SF3B2: variants seen among roughly 807,000 people sequenced by gnomAD.
SF3B2 encodes splicing factor 3b subunit 2.
Under a neutral mutation model 116.3 loss-of-function variants are expected in SF3B2, and 22 were observed. The observed-to-expected ratio is 0.19, with a 90% confidence interval of 0.14 to 0.27. The LOEUF is 0.27. SF3B2 is among the 10% of genes least tolerant of loss of function. SF3B2 has a pLI of 1.00. For missense variants in SF3B2, 767 were observed against 1,151.4 expected, an observed-to-expected ratio of 0.67 and a Z score of 4.83; for synonymous variants, 406 against 421.6, an observed-to-expected ratio of 0.96 and a Z score of 0.45.
At chr11:66,054,940 C>T in intron 3 of SF3B2, 136 bp from the exon 4 acceptor site, 1 of 782,530 alleles carries the variant, frequency 1.3e-6, no homozygotes, top group East Asian at 2.8e-5. Context: ...AGCTGTGGAG[C>T]ATTCTCTCTT....
chr11:66,067,557 A>C (rs991634250), intron 19 of SF3B2: 1 of 459,190 alleles, frequency 2.2e-6, no homozygotes, highest in Admixed American at 2.3e-5. Context: ...TGTGAATTAC[A>C]TACATGAGAA....
Position 66,068,323 on chromosome 11 carries a change from C to T in SF3B2, c.2606C>T (p.Ala869Val). The change falls in exon 21 of 22, where the codon GCC becomes GTC. Residue 869 changes from alanine (A) to valine (V), a missense_variant. By Grantham distance (64) the Ala-to-Val change is moderately conservative. Coordinates refer to ENST00000322535, the MANE Select transcript of SF3B2 (RefSeq NM_006842.3). ...AGTGACATGGTGGCTGAGCACGCTG[C>T]CAAACAGAAGGTAGGCGCTTCCAGG... is the stretch of plus-strand genomic sequence containing the variant. ...DFSDMVAEHA[A>V]KQKQKKRKAQ... The T allele has an allele frequency of 6.2e-7, 1 of 1,611,606 alleles. No homozygotes were observed. Among genetic ancestry groups the T allele is most frequent in the Non-Finnish European group, 8.5e-7 (1 of 1,179,284 alleles).
Position 66,063,125 on chromosome 11 carries a change from C to T in SF3B2, c.2085+9C>T. On this transcript the variant is annotated intron_variant, in intron 17 of 21. Coordinates refer to ENST00000322535, the MANE Select transcript of SF3B2 (RefSeq NM_006842.3). ...ATGCTGCTGAATTTCAGGTATGGGCCATGTACTAGCGATCTTGGTTTTACT... is the reference window on the plus strand; with the variant it reads ...ATGCTGCTGAATTTCAGGTATGGGCTATGTACTAGCGATCTTGGTTTTACT... 1 of 1,586,742 alleles carries T rather than the reference C, an allele frequency of 6.3e-7. No homozygotes were observed. The highest frequency in any genetic ancestry group is 1.7e-5 in the Admixed American group (1 of 59,068).
rs780249883 is a variant in SF3B2 at position 66,063,470 on chromosome 11, CAGAAGA to C, written c.2160_2165del (p.Glu725_Glu726del). The C allele has an allele frequency of 1.9e-6, 3 of 1,614,142 alleles. No homozygotes were observed. The highest frequency in any genetic ancestry group is 2.5e-6 in the Non-Finnish European group (3 of 1,180,008). On this transcript the variant is annotated inframe_deletion, in exon 18 of 22. Coordinates refer to ENST00000322535, the MANE Select transcript of SF3B2 (RefSeq NM_006842.3). Reference sequence around the variant, plus strand: ...CTGGAACCATCTGATGAAGAATCCTCAGAAGAAGAGGAAGAGGAAGAAAGTGATGAA... The same window carrying C: ...CTGGAACCATCTGATGAAGAATCCTCAGAGGAAGAGGAAGAAAGTGATGAA...
At position 66,059,450 on chromosome 11, in the gene SF3B2, G is replaced by C. The variant is rs1019356549; in HGVS notation, c.1321-65G>C. The C allele has an allele frequency of 6.2e-7, 1 of 1,608,362 alleles. No homozygotes were observed. The highest frequency in any genetic ancestry group is 8.5e-7 in the Non-Finnish European group (1 of 1,175,100). On this transcript the variant is annotated intron_variant, in intron 11 of 21. Transcript: ENST00000322535. This position sits in a 1 kb window ranked among gnomAD's most constrained non-coding sequence, Gnocchi z 5.0. Reference sequence around the variant, plus strand: ...ACAGAGCTTTGGTGGCTTAAGGTTGGGGTGGGTTGGGCAGTTTCATTCACA... The same window carrying C: ...ACAGAGCTTTGGTGGCTTAAGGTTGCGGTGGGTTGGGCAGTTTCATTCACA...
chr11:66,055,230 C>T lies in SF3B2; in HGVS notation c.413C>T (p.Pro138Leu). 5 of 1,613,986 alleles carry T rather than the reference C, an allele frequency of 3.1e-6. No homozygotes were observed. Among genetic ancestry groups the T allele is most frequent in the Non-Finnish European group, 4.2e-6 (5 of 1,179,888 alleles). ...GPPPPLRVGE[P>L]VALSEEERLK... is the part of the protein sequence containing the mutation. ...CCGCCTCCTCTCCGTGTGGGTGAGC[C>T]AGTGGCACTGTCAGAGGAGGAGCGG... is the stretch of plus-strand genomic sequence containing the variant. The change falls in exon 4 of 22, where the codon CCA (proline) becomes CTA (leucine). Residue 138 changes from proline (P) to leucine (L), a missense_variant. Physicochemically the swap from Pro to Leu is moderately conservative, Grantham distance 98. Around this residue, in one of 4 missense-constraint regions of SF3B2, gnomAD observed 455 missense variants for 537.5 expected, o/e 0.85. Transcript: ENST00000322535.
At chr11:66,057,187 C>A in intron 6 of SF3B2, 79 bp from the exon 7 acceptor site, 2 of 993,260 alleles carry the variant, frequency 2.0e-6, no homozygotes, top group Non-Finnish European at 3.3e-6. Flanking sequence ...TTTACCATCA[C>A]CCTTTCAGCA....
intron 6 of SF3B2, 123 bp from the exon 7 acceptor site, chr11:66,057,142 CA>C: frequency 1.1e-6 from 1 of 877,132 alleles, no homozygotes; most frequent in Non-Finnish European, 2.0e-6. Context: ...ACCAGCATTC[CA>C]AAAGCCACGC....
At chr11:66,065,307 T>G (rs535661932) in intron 19 of SF3B2, 1 of 152,334 alleles carries the variant, frequency 6.6e-6, no homozygotes, top group Admixed American at 6.5e-5. Flanking sequence ...TCCAGTGTCT[T>G]CTTTCTTGCA....
chr11:66,067,967 C>A lies in SF3B2; in HGVS notation c.2352C>A (p.Phe784Leu), dbSNP rs758597724. ...AMDGSETPQL[F>L]TVLPEKRTAT... ...GCAGAAGTGAGACACCTCAGCTCTT[C>A]ACTGTGTTGCCAGAGAAGAGAACAG... The change falls in exon 20 of 22, where the codon TTC (phenylalanine) becomes TTA (leucine). Residue 784 changes from phenylalanine to leucine, a missense_variant. Transcript: ENST00000322535. 1 of 1,614,168 alleles carries A rather than the reference C, an allele frequency of 6.2e-7. No homozygotes were observed. Among genetic ancestry groups the A allele is most frequent in the South Asian group, 1.1e-5 (1 of 91,074 alleles).
chr11:66,055,278 C>T lies in SF3B2; in HGVS notation c.461C>T (p.Ala154Val), dbSNP rs750041004. ...EERLKLAQQQ[A>V]ALLMQQEERA... ...CGGCTGAAGTTGGCTCAGCAGCAGG[C>T]GGCATTGCTGATGCAGCAGGAGGAG... Residue 154 changes from alanine (A) to valine (V), a missense_variant, in exon 4 of 22, where the codon GCG becomes GTG. Coordinates refer to ENST00000322535, the MANE Select transcript of SF3B2 (RefSeq NM_006842.3). 10 of 1,613,492 alleles carry T rather than the reference C, an allele frequency of 6.2e-6. No individual in the cohort carries two copies. Among genetic ancestry groups the T allele is most frequent in the Non-Finnish European group, 8.5e-6 (10 of 1,179,836 alleles).
chr11:66,062,089 G>T (rs1194705486), intron 16 of SF3B2, 91 bp downstream of exon 16: 5 of 846,276 alleles, frequency 5.9e-6, no homozygotes, highest in Non-Finnish European at 9.5e-6. Flanking sequence ...TCCACCATGT[G>T]TCTCTTTATT....
intron 13 of SF3B2, 136 bp downstream of exon 13, chr11:66,060,145 C>A: frequency 1.3e-6 from 1 of 793,852 alleles, no homozygotes; most frequent in Non-Finnish European, 2.0e-6. Context: ...TTGTTTTCCT[C>A]CTCTGCTCTT....
chr11:66,064,029 G>A (rs1857139186), intron 19 of SF3B2, among the ~76,000 whole-genome samples: 1 of 152,148 alleles, frequency 6.6e-6, no homozygotes, highest in South Asian at 2.1e-4. Flanking sequence ...AGACCCGAAT[G>A]AAAAAGCGCC....
rs1856967146 is a variant in SF3B2, at chr11:66,055,091, A to C, written c.274A>C (p.Met92Leu). ...PMSAQLPGIPMPPPPLGLPPL... is the reference protein window; with the variant it reads ...PMSAQLPGIPLPPPPLGLPPL... The stretch of plus-strand genomic sequence containing the variant: ...TTCTCCACAGCTCCCTGGAATTCCC[A>C]TGCCACCACCACCTTTGGGACTCCC... Residue 92 changes from methionine to leucine, a missense_variant, in exon 4 of 22, where the codon ATG (methionine) becomes CTG (leucine). By Grantham distance (15) the Met-to-Leu change is conservative (BLOSUM62 2). Around this residue, in one of 4 missense-constraint regions of SF3B2, gnomAD observed 455 missense variants for 537.5 expected, o/e 0.85. Coordinates refer to ENST00000322535, the MANE Select transcript of SF3B2 (RefSeq NM_006842.3). 2 of 1,515,806 alleles carry C rather than the reference A, an allele frequency of 1.3e-6. No homozygotes were observed. Among genetic ancestry groups the C allele is most frequent in the Middle Eastern group, 1.8e-4 (1 of 5,622 alleles). 93.9% of individuals were successfully genotyped at this position (1,515,806 alleles called of 1,614,324 possible). A position where few individuals can be genotyped will look rare whatever the true frequency, so the allele number is the denominator to read the frequency against.
At chr11:66,057,592 C>T (rs1040504120) in intron 7 of SF3B2, among the ~76,000 whole-genome samples, 4 of 152,058 alleles carry the variant, frequency 2.6e-5, no homozygotes, top group African/African-American at 9.7e-5. Flanking sequence ...CACTAAACCC[C>T]ACTGAGCCCA....
rs757843246 is a variant in SF3B2 at position 66,052,402 on chromosome 11, C to A, written c.18C>A (p.Pro6=). 2 of 1,611,904 alleles carry A rather than the reference C, an allele frequency of 1.2e-6. No homozygotes were observed. Among genetic ancestry groups the A allele is most frequent in the Admixed American group, 1.7e-5 (1 of 59,966 alleles). The stretch of plus-strand genomic sequence containing the variant: ...CGGCTAAGATGGCGACGGAGCATCC[C>A]GAGCCTCCCAAAGCAGAATTGCAGC... MATEH[P]EPPKAELQLP... is the part of the protein sequence containing the mutation. The change falls in exon 1 of 22, where the codon CCC becomes CCA. Residue 6 remains proline, a synonymous_variant. Transcript: ENST00000322535.
At chr11:66,057,679 A>G (rs975013420) in intron 7 of SF3B2, among the ~76,000 whole-genome samples, 1 of 152,052 alleles carries the variant, frequency 6.6e-6, no homozygotes, top group African/African-American at 2.4e-5. Flanking sequence ...AAGTTGGTGG[A>G]AAAAGGGCAC....
intron 3 of SF3B2, among the ~76,000 whole-genome samples, chr11:66,054,739 T>G (rs938675282): frequency 1.3e-5 from 2 of 152,234 alleles, no homozygotes; most frequent in Non-Finnish European, 2.9e-5. Flanking sequence ...CCTCATTTTC[T>G]CTAAAGCAGT....
Sources: gnomAD v4.1 joint callset for allele counts (sites outside exome capture counted in the v4.1 genomes callset) on GRCh38, gnomAD v4.1.1 for gene constraint, gnomAD v4.1.1 regional missense constraint, Gnocchi (gnomAD v3.1) non-coding constraint, MANE v1.5 for transcripts, NCBI Gene and HGNC (gene_info 2026-07-23, HGNC 2026-07-21) for gene names.